The following DAGLB variants were observed in gnomAD, a reference collection of about 807,000 sequenced individuals.
The protein encoded by DAGLB is diacylglycerol lipase beta.
A neutral mutation model predicts 72.1 loss-of-function variants in DAGLB; 66 were observed. The observed-to-expected ratio is 0.92, with a 90% CI of 0.75 to 1.12. The LOEUF (loss-of-function observed/expected upper bound fraction) is 1.12, where lower values mean the gene tolerates loss of function less well. Among genes scored for constraint, DAGLB ranks in the 50% most tolerant of loss-of-function variants. The pLI is 0.00. For synonymous variants in DAGLB, 414 were observed against 359.5 expected, an observed-to-expected ratio of 1.15 and a Z score of -1.71; for missense variants, 1,065 against 884.9, an observed-to-expected ratio of 1.20 and a Z score of -2.58.
chr7:6,426,692 T>TAA (rs774743258), intron 6 of DAGLB, among the ~76,000 whole-genome samples: 78 of 152,198 alleles, frequency 5.1e-4, no homozygotes, highest in Non-Finnish European at 6.0e-4. Flanking sequence ...GGCAAGTCCC[T>TAA]AAAACTGAAT....
chr7:6,422,172 G>A lies in DAGLB; in HGVS notation c.1141-368C>T, dbSNP rs137905432. On this transcript the variant is annotated intron_variant, in intron 8 of 14. Transcript: ENST00000297056. ...CAGGAGCCCCGTAACAGGTGAAACC[G>A]TGGAGAGGAGGAGGCCTAGACTAGC... 3.8e-3 allele frequency: 1,380 copies of A among 363,676 alleles called. 16 individuals are homozygous for A. Among genetic ancestry groups the A allele is most frequent in the African/African-American group, 0.027 (1,287 of 47,204 alleles). The allele number at this position is 363,676 out of a possible 1,614,324, so 22.5% of individuals were successfully genotyped here. A position where few individuals can be genotyped will look rare whatever the true frequency, so the allele number is the denominator to read the frequency against.
intron 1 of DAGLB, among the ~76,000 whole-genome samples, chr7:6,447,352 G>A (rs915426412): frequency 6.6e-5 from 10 of 152,200 alleles, no homozygotes; most frequent in Non-Finnish European, 1.5e-4. Context: ...CGTACAAAGG[G>A]AAGGAAGGGC....
intron 9 of DAGLB, among the ~76,000 whole-genome samples, chr7:6,418,078 C>T (rs1293208478): frequency 6.6e-6 from 1 of 152,076 alleles, no homozygotes; most frequent in Non-Finnish European, 1.5e-5. Flanking sequence ...ACCATGTTGG[C>T]CAGGCTAGTC....
intron 4 of DAGLB, 105 bp from the exon 5 acceptor site, chr7:6,433,064 G>C (rs151089216): frequency 1.3e-5 from 19 of 1,451,154 alleles, no homozygotes; most frequent in African/African-American, 4.3e-5. Context: ...CGCACACACA[G>C]ACATTTCTAG....
chr7:6,419,263 T>C (rs1784029593), intron 9 of DAGLB, among the ~76,000 whole-genome samples: 1 of 152,056 alleles, frequency 6.6e-6, no homozygotes, highest in African/African-American at 2.4e-5. Flanking sequence ...CTCAAAGTGC[T>C]GGGATTACAG....
intron 8 of DAGLB, among the ~76,000 whole-genome samples, chr7:6,423,614 G>A (rs836521): frequency 0.55 from 77,440 of 141,970 alleles, 23,230 homozygotes; most frequent in East Asian, 0.83. Context: ...TCTGAGACAG[G>A]GTCTCACTCT....
rs371052156 is a variant in DAGLB at position 6,424,830 on chromosome 7, G to A, written c.1062C>T (p.Tyr354=). 26 of 1,613,482 alleles carry A rather than the reference G, an allele frequency of 1.6e-5. No individual in the cohort carries two copies. Among genetic ancestry groups the A allele is most frequent in the East Asian group, 4.5e-5 (2 of 44,862 alleles). Residue 354 remains tyrosine (Y), a synonymous_variant, in exon 8 of 15, where the codon TAC becomes TAT. Transcript: ENST00000297056. ...CCAGAGCCACTAAAAACGGCAGCTCGTAAACCTGCAGGAGCAAGAAACAAG... is the reference window on the plus strand; with the variant it reads ...CCAGAGCCACTAAAAACGGCAGCTCATAAACCTGCAGGAGCAAGAAACAAG... ...FIHVSFHDKV[Y]ELPFLVALDH...
chr7:6,421,316 G>GGGC (rs1784112899), intron 9 of DAGLB, among the ~76,000 whole-genome samples: 3 of 136,406 alleles, frequency 2.2e-5, no homozygotes, highest in Admixed American at 7.4e-5. Context: ...ATCAGGCAGC[G>GGGC]CGGGAGGCGC....
chr7:6,436,918 G>A (rs907791466), intron 2 of DAGLB, among the ~76,000 whole-genome samples: 5 of 152,028 alleles, frequency 3.3e-5, no homozygotes, highest in African/African-American at 4.8e-5. Flanking sequence ...AGGAGGCCAA[G>A]GCAGGTAGAT....
At chr7:6,434,230 T>C (rs1336067764) in intron 4 of DAGLB, among the ~76,000 whole-genome samples, 1 of 110,438 alleles carries the variant, frequency 9.1e-6, no homozygotes, top group African/African-American at 5.1e-5. Flanking sequence ...GATGACACGC[T>C]GCATGTGAAA....
At chr7:6,447,665 A>C (rs1377565769) in intron 1 of DAGLB, 83 bp downstream of exon 1, 1 of 1,509,470 alleles carries the variant, frequency 6.6e-7, no homozygotes, top group Non-Finnish European at 8.9e-7. Flanking sequence ...TTGGGAAGCC[A>C]CTTCTGTCAC....
chr7:6,442,983 C>G (rs1784877933), intron 2 of DAGLB, among the ~76,000 whole-genome samples: 1 of 146,546 alleles, frequency 6.8e-6, no homozygotes, highest in African/African-American at 2.6e-5. Context: ...ACCATCCTGG[C>G]TAACACAGTG....
rs761850565 is a variant in DAGLB at position 6,436,354 on chromosome 7, G to T, written c.419+8C>A. 6.2e-7 allele frequency: 1 copy of T among 1,601,380 alleles called. No homozygotes were observed. The highest frequency in any genetic ancestry group is 1.1e-5 in the South Asian group (1 of 89,216). ...ACTGAAACTCAAAGAGAAGAAGGGA[G>T]ATGTCACCTGACCACGACGGTTGCG... On this transcript the variant is annotated splice_region_variant and intron_variant, in intron 3 of 14. Coordinates refer to ENST00000297056, the MANE Select transcript of DAGLB (RefSeq NM_139179.4).
chr7:6,411,826 T>C (rs1179327754), intron 13 of DAGLB, among the ~76,000 whole-genome samples: 1 of 152,230 alleles, frequency 6.6e-6, no homozygotes, highest in Non-Finnish European at 1.5e-5. Flanking sequence ...TGTATCTCCT[T>C]GTCCCCACTC....
In DAGLB at chr7:6,430,038, C is replaced by T. The variant is rs191643784; in HGVS notation, c.929+442G>A. Among the ~76,000 whole-genome samples the T allele has an allele frequency of 7.6e-3, 1,129 of 149,428 alleles. 11 individuals carry two copies. Among genetic ancestry groups the T allele is most frequent in the African/African-American group, 0.026 (1,060 of 40,588 alleles). On this transcript the variant is annotated intron_variant, in intron 6 of 14. Coordinates refer to ENST00000297056, the MANE Select transcript of DAGLB (RefSeq NM_139179.4). ...CAGCCTGGGCAACAGAGTGAAACTC[C>T]ATCTCAAAAAATGAAAATTAGCCGG...
At chr7:6,418,500 A>G (rs1783991317) in intron 9 of DAGLB, among the ~76,000 whole-genome samples, 1 of 152,214 alleles carries the variant, frequency 6.6e-6, no homozygotes, top group Admixed American at 6.5e-5. Context: ...TCAATCAAAA[A>G]TATCTTCAAA....
Position 6,419,813 on chromosome 7 carries a change from G to C in DAGLB, c.1218+1914C>G, listed in dbSNP as rs180995376. ...TCCTCCTTTCCTCACACAGTAATGG[G>C]CAAACTGGAGTCTTTTGTGAACTGG... On this transcript the variant is annotated intron_variant, in intron 9 of 14. Coordinates refer to ENST00000297056, the MANE Select transcript of DAGLB (RefSeq NM_139179.4). Among the ~76,000 whole-genome samples the C allele has an allele frequency of 7.9e-4, 120 of 152,300 alleles. 1 individual carries two copies. Among genetic ancestry groups the C allele is most frequent in the African/African-American group, 2.8e-3 (116 of 41,568 alleles).
At chr7:6,415,781 G>C (rs376822350) in intron 11 of DAGLB, among the ~76,000 whole-genome samples, 54 of 151,022 alleles carry the variant, frequency 3.6e-4, no homozygotes, top group South Asian at 1.1e-3. Flanking sequence ...GGAGACGGAG[G>C]TTGCAGTGAG....
chr7:6,409,958 G>A lies in DAGLB; in HGVS notation c.1898C>T (p.Pro633Leu), dbSNP rs139129432. Residue 633 changes from proline to leucine, a missense_variant, in exon 15 of 15, where the codon CCG becomes CTG. Pro to Leu is a moderately conservative substitution (Grantham distance 98). Transcript: ENST00000297056. ...EAEFSKILIGPKMLTDHMPDI... is the reference protein window; with the variant it reads ...EAEFSKILIGLKMLTDHMPDI... ...TGGCATGTGGTCGGTGAGCATCTTC[G>A]GACCTATGAGTATTTTGCTGAATTC... 26 of 1,613,974 alleles carry A rather than the reference G, an allele frequency of 1.6e-5. No individual in the cohort carries two copies. Among genetic ancestry groups the A allele is most frequent in the Admixed American group, 3.3e-5 (2 of 60,002 alleles).
Sources: allele counts gnomAD v4.1 joint callset (sites outside exome capture counted in the v4.1 genomes callset), GRCh38; gene constraint gnomAD v4.1.1; transcripts MANE v1.5; gene names NCBI Gene and HGNC (gene_info 2026-07-23, HGNC 2026-07-21).